COL6A6: variants seen among roughly 807,000 people sequenced by gnomAD.
COL6A6 encodes collagen type VI alpha 6 chain.
A neutral mutation model predicts 208.6 loss-of-function variants in COL6A6; 183 were observed. The ratio of observed to expected loss-of-function variants is 0.88; its 90% CI spans 0.78 to 0.99. The LOEUF (loss-of-function observed/expected upper bound fraction) is 0.99. Among genes scored for constraint, COL6A6 ranks in the 50% least tolerant of loss-of-function variants. The pLI is 0.00. For synonymous variants in COL6A6, 973 were observed against 1,011.8 expected (o/e 0.96, Z 0.73); for missense variants, 2,816 against 2,815.2 (o/e 1.00, Z -0.01).
rs925830640 is a variant in COL6A6 at position 130,581,727 on chromosome 3, T to C, written c.3714T>C (p.Ser1238=). 1.2e-6 allele frequency: 2 copies of C among 1,613,836 alleles called. No homozygotes were observed. Among genetic ancestry groups the C allele is most frequent in the African/African-American group, 2.7e-5 (2 of 74,918 alleles). Residue 1238 remains serine, a synonymous_variant, in exon 9 of 37, where the codon AGT becomes AGC. Transcript: ENST00000358511. ...SCEVGTETQV[S]VAFQVTNAME... is the part of the protein sequence containing the mutation. ...AGGTGGGCACAGAGACTCAGGTCAG[T>C]GTGGCTTTTCAAGTGACCAATGCCA...
chr3:130,607,360 G>A (rs992925382), intron 21 of COL6A6, among the ~76,000 whole-genome samples: 1 of 152,112 alleles, frequency 6.6e-6, no homozygotes, highest in African/African-American at 2.4e-5. Flanking sequence ...TGGATATTCT[G>A]AGTATTTTGT....
chr3:130,643,469 G>A (rs1157716678), intron 31 of COL6A6, among the ~76,000 whole-genome samples: 3 of 152,104 alleles, frequency 2.0e-5, no homozygotes, highest in East Asian at 1.9e-4. Context: ...CCTTTCCCGG[G>A]AAGATATGTT....
chr3:130,592,229 A>G (rs374211243), intron 13 of COL6A6, among the ~76,000 whole-genome samples: 3 of 152,270 alleles, frequency 2.0e-5, no homozygotes, highest in African/African-American at 7.2e-5. Context: ...CATAGATGCA[A>G]GACAGGTCCT....
chr3:130,521,101 G>A lies in COL6A6; in HGVS notation c.-32+3704G>A, dbSNP rs76401305. 4.8e-3 allele frequency among the ~76,000 whole-genome samples: 733 copies of A among 152,280 alleles called. 45 individuals carry two copies. The East Asian group carries it at 0.12, about 24-fold the overall frequency. Reference sequence around the variant, plus strand: ...CCATTTTAAAACCATTTACAGTTAAGGATGTGAACATTGATTTGACTCTAA... The same window carrying A: ...CCATTTTAAAACCATTTACAGTTAAAGATGTGAACATTGATTTGACTCTAA... On this transcript the variant is annotated intron_variant, in intron 1 of 36. Coordinates refer to ENST00000358511, the MANE Select transcript of COL6A6 (RefSeq NM_001102608.3).
intron 5 of COL6A6, 29 bp from the exon 6 acceptor site, chr3:130,568,018 G>T: frequency 6.4e-7 from 1 of 1,557,570 alleles, no homozygotes; most frequent in South Asian, 1.2e-5. Flanking sequence ...TAGCTGACTT[G>T]AATAAACATC....
In COL6A6 at chr3:130,662,294, T is replaced by G; in HGVS notation, c.6488T>G (p.Ile2163Arg). 1 of 1,612,948 alleles carries G rather than the reference T, an allele frequency of 6.2e-7. No homozygotes were observed. Among genetic ancestry groups the G allele is most frequent in the Non-Finnish European group, 8.5e-7 (1 of 1,179,142 alleles). The change falls in exon 35 of 37, where the codon ATA (isoleucine) becomes AGA (arginine). Residue 2163 changes from isoleucine to arginine, a missense_variant. Ile to Arg is a moderately conservative substitution (Grantham distance 97). Transcript: ENST00000358511. ...SYGVKFVKSFINSIRRAINKY... is the reference protein window; with the variant it reads ...SYGVKFVKSFRNSIRRAINKY... ...GGTGTGAAGTTTGTGAAGTCCTTTA[T>G]AAACTCAATCAGGCGTAAGTCATAA...
intron 1 of COL6A6, among the ~76,000 whole-genome samples, chr3:130,520,653 C>A (rs1711012462): frequency 6.6e-6 from 1 of 152,176 alleles, no homozygotes; most frequent in Non-Finnish European, 1.5e-5. Context: ...AATTATGCAT[C>A]TCATGTAAAG....
intron 24 of COL6A6, among the ~76,000 whole-genome samples, chr3:130,622,949 C>T (rs552165063): frequency 1.7e-4 from 26 of 151,720 alleles, no homozygotes; most frequent in Non-Finnish European, 3.4e-4. Context: ...TGAGAAAAAG[C>T]GGTGTGAAGG....
At chr3:130,548,970 A>T (rs2062582875) in intron 1 of COL6A6, among the ~76,000 whole-genome samples, 1 of 152,216 alleles carries the variant, frequency 6.6e-6, no homozygotes, top group Non-Finnish European at 1.5e-5. Context: ...TTTACTTGTT[A>T]GGATGGCACG....
chr3:130,519,755 C>G (rs1710956721), intron 1 of COL6A6, among the ~76,000 whole-genome samples: 1 of 152,268 alleles, frequency 6.6e-6, no homozygotes, highest in Non-Finnish European at 1.5e-5. Context: ...ATGCCAAGCA[C>G]AAGTGCTCAA....
At chr3:130,518,665 C>A (rs1383089197) in intron 1 of COL6A6, among the ~76,000 whole-genome samples, 1 of 152,186 alleles carries the variant, frequency 6.6e-6, no homozygotes, top group African/African-American at 2.4e-5. Flanking sequence ...AGCCACCATG[C>A]CCGGCTAATT....
At chr3:130,584,574 T>G (rs182427072) in intron 10 of COL6A6, among the ~76,000 whole-genome samples, 94 of 152,142 alleles carry the variant, frequency 6.2e-4, no homozygotes, top group African/African-American at 2.2e-3. Flanking sequence ...TTTTCTTTGG[T>G]GGTTCGTTTG....
intron 26 of COL6A6, among the ~76,000 whole-genome samples, chr3:130,628,725 G>T (rs907309707): frequency 8.2e-6 from 1 of 121,656 alleles, no homozygotes; most frequent in African/African-American, 4.7e-5. Context: ...TCCATTTTAA[G>T]ATCGTGTCGA....
At chr3:130,606,329 T>G (rs1350389212) in intron 20 of COL6A6, among the ~76,000 whole-genome samples, 1 of 152,188 alleles carries the variant, frequency 6.6e-6, no homozygotes, top group Non-Finnish European at 1.5e-5. Flanking sequence ...TTATGTAGTA[T>G]CATTTTGATT....
intron 25 of COL6A6, 82 bp downstream of exon 25, chr3:130,626,629 G>A: frequency 1.1e-6 from 1 of 937,328 alleles, no homozygotes. Context: ...TCTGAAGAGA[G>A]TTTTAAGGAT....
Position 130,661,677 on chromosome 3 carries a change from A to G in COL6A6, c.5871A>G (p.Pro1957=). 6.2e-7 allele frequency: 1 copy of G among 1,613,502 alleles called. No individual in the cohort carries two copies. The change falls in exon 35 of 37, where the codon CCA becomes CCG. Residue 1957 remains proline (P), a synonymous_variant. Transcript: ENST00000358511. ...ATGCTTCTTGTGACCAAGCCAGACCACCCCCTGTGCAGTCTTACATGGATG... is the reference window on the plus strand; with the variant it reads ...ATGCTTCTTGTGACCAAGCCAGACCGCCCCCTGTGCAGTCTTACATGGATG... ...KPDASCDQAR[P]PPVQSYMDAA...
intron 1 of COL6A6, among the ~76,000 whole-genome samples, chr3:130,557,924 C>T (rs181502812): frequency 1.3e-5 from 2 of 152,050 alleles, no homozygotes; most frequent in African/African-American, 4.8e-5. Flanking sequence ...TTTAAAAAGA[C>T]CTTTATAGCA....
chr3:130,528,014 C>T (rs2062000240), intron 1 of COL6A6, among the ~76,000 whole-genome samples: 1 of 149,498 alleles, frequency 6.7e-6, no homozygotes, highest in African/African-American at 2.5e-5. Context: ...GACCCAAACC[C>T]TTATGAGGTT....
rs768507381 is a variant in COL6A6, at chr3:130,570,844, G to A, written c.2428G>A (p.Val810Ile). 9.9e-6 allele frequency: 16 copies of A among 1,612,886 alleles called. No homozygotes were observed. The Middle Eastern group carries it at 8.3e-4, about 83-fold the overall frequency. Residue 810 changes from valine (V) to isoleucine (I), a missense_variant, in exon 7 of 37, where the codon GTT (valine) becomes ATT (isoleucine). Val to Ile is a conservative substitution (Grantham distance 29). Coordinates refer to ENST00000358511, the MANE Select transcript of COL6A6 (RefSeq NM_001102608.3). The part of the protein sequence containing the change: ...EECKRIEVLD[V>I]VFVIDSSGSI... The stretch of plus-strand genomic sequence containing the variant: ...ATGCAAGCGGATTGAAGTTTTAGAC[G>A]TTGTGTTTGTCATTGATAGCTCTGG...
Sources: allele counts gnomAD v4.1 joint callset (sites outside exome capture counted in the v4.1 genomes callset), GRCh38; gene constraint gnomAD v4.1.1; transcripts MANE v1.5; gene names NCBI Gene and HGNC (gene_info 2026-07-23, HGNC 2026-07-21).